The following HECW1 variants were observed in gnomAD, a reference collection of about 807,000 sequenced individuals.
HECW1 encodes E3 ubiquitin-protein ligase HECW1.
HECW1 carries 61 observed loss-of-function variants against 182.3 expected under a neutral mutation model. That is an observed-to-expected ratio of 0.33 (90% CI 0.27 to 0.41). HECW1 has a LOEUF of 0.41. Ranked by LOEUF, HECW1 falls within the 10% of genes least tolerant of loss-of-function variation. HECW1 has a pLI of 1.00. For synonymous variants in HECW1, 859 were observed against 832.6 expected (o/e 1.03, Z -0.55); for missense variants, 1,739 against 2,108.9 (o/e 0.82, Z 3.44).
rs138550885 is a variant in HECW1 at position 43,500,214 on chromosome 7, C to T, written c.3438-485C>T. 6.3e-3 allele frequency among the ~76,000 whole-genome samples: 952 copies of T among 152,126 alleles called. 7 individuals carry two copies. Among genetic ancestry groups the T allele is most frequent in the African/African-American group, 0.022 (905 of 41,506 alleles). ...CTCCCGGTTCAAGCGATTCTCCTAC[C>T]TCAGCATCCTGAATAGCTGGGATTA... is the stretch of plus-strand genomic sequence containing the variant. On this transcript the variant is annotated intron_variant, in intron 19 of 29. Transcript: ENST00000395891.
chr7:43,308,005 A>AAG (rs1807848969), intron 3 of HECW1, among the ~76,000 whole-genome samples: 1 of 114,848 alleles, frequency 8.7e-6, no homozygotes, highest in Non-Finnish European at 1.7e-5. Context: ...TATAATATAT[A>AAG]ATATACAGTA....
intron 22 of HECW1, among the ~76,000 whole-genome samples, chr7:43,507,749 C>G (rs1023680895): frequency 1.3e-5 from 2 of 152,182 alleles, no homozygotes; most frequent in Non-Finnish European, 2.9e-5. Flanking sequence ...AAGCAATATC[C>G]TATGAGTTGA....
Position 43,550,482 on chromosome 7 carries a change from C to T in HECW1, c.4286C>T (p.Thr1429Ile). 1.2e-6 allele frequency: 2 copies of T among 1,614,120 alleles called. No homozygotes were observed. The highest frequency in any genetic ancestry group is 1.7e-6 in the Non-Finnish European group (2 of 1,179,998). The change falls in exon 27 of 30, where the codon ACA becomes ATA. Residue 1429 changes from threonine (T) to isoleucine (I), a missense_variant. By Grantham distance (89) the Thr-to-Ile change is moderately conservative. This residue lies in a region of HECW1 where 420 missense variants were observed against 595.7 expected (regional missense o/e 0.71). Coordinates refer to ENST00000395891, the MANE Select transcript of HECW1 (RefSeq NM_015052.5). The stretch of plus-strand genomic sequence containing the variant: ...GAGTTGAAGTCTGGAGGAGCCAACA[C>T]ACAGGTGACGGAGAAAAACAAGAAG... ...ERELKSGGANTQVTEKNKKEY... is the reference protein window; with the variant it reads ...ERELKSGGANIQVTEKNKKEY...
chr7:43,152,885 G>T, intron 2 of HECW1, among the ~76,000 whole-genome samples: 1 of 152,118 alleles, frequency 6.6e-6, no homozygotes, highest in South Asian at 2.1e-4. Flanking sequence ...TTGGGAGCTG[G>T]AGAAGGCTTA....
rs576398672 is a variant in HECW1, at chr7:43,243,270, T to G, written c.-31-605T>G. Among the ~76,000 whole-genome samples the G allele has an allele frequency of 5.5e-4, 84 of 152,290 alleles. 1 individual carries two copies. Among genetic ancestry groups the G allele is most frequent in the African/African-American group, 2.0e-3 (82 of 41,562 alleles). ...TCTGCTCAAGTCCTGTATGCTAATTTTGGACATGGTAGCTCTAAAGTGCCA... is the reference window on the plus strand; with the variant it reads ...TCTGCTCAAGTCCTGTATGCTAATTGTGGACATGGTAGCTCTAAAGTGCCA... On this transcript the variant is annotated intron_variant, in intron 2 of 29. Transcript: ENST00000395891. This position sits in a 1 kb window ranked among gnomAD's most constrained non-coding sequence, Gnocchi z 4.0.
intron 17 of HECW1, among the ~76,000 whole-genome samples, chr7:43,484,988 T>C (rs141029010): frequency 0.015 from 2,290 of 152,328 alleles, 23 homozygotes; most frequent in Non-Finnish European, 0.021. Flanking sequence ...CAATTCCTAA[T>C]ATAAGTTGAC....
chr7:43,195,889 C>G (rs1207966539), intron 2 of HECW1, among the ~76,000 whole-genome samples: 1 of 151,976 alleles, frequency 6.6e-6, no homozygotes, highest in Non-Finnish European at 1.5e-5. Flanking sequence ...ATTTTTACAC[C>G]AAATATAGGT....
In HECW1 at chr7:43,317,673, A is replaced by G. The variant is rs554853886; in HGVS notation, c.353-2962A>G. 2.0e-5 allele frequency among the ~76,000 whole-genome samples: 3 copies of G among 152,084 alleles called. No individual in the cohort carries two copies. In the East Asian group the frequency reaches 5.8e-4, roughly 29 times the overall value. ...CCCAGGCAAGAATACTGACTACTCTATTTTTCTTGTGTGATACTTGTGATT... is the reference window on the plus strand; with the variant it reads ...CCCAGGCAAGAATACTGACTACTCTGTTTTTCTTGTGTGATACTTGTGATT... On this transcript the variant is annotated intron_variant, in intron 4 of 29. Coordinates refer to ENST00000395891, the MANE Select transcript of HECW1 (RefSeq NM_015052.5).
At chr7:43,392,788 G>A (rs894522685) in intron 6 of HECW1, among the ~76,000 whole-genome samples, 3 of 152,180 alleles carry the variant, frequency 2.0e-5, no homozygotes, top group African/African-American at 7.2e-5. Context: ...TAACATGCTG[G>A]AGACTAAAGG....
chr7:43,353,595 T>C (rs1814726130), intron 5 of HECW1, among the ~76,000 whole-genome samples: 1 of 151,318 alleles, frequency 6.6e-6, no homozygotes. Flanking sequence ...TCTGAGCAGA[T>C]GGTAAGAGAA....
At position 43,311,898 on chromosome 7, in the gene HECW1, G is replaced by A; in HGVS notation, c.163G>A (p.Gly55Ser). ...CCAGTTCCACAACATGGACCTCAGGGGCGGCCCCCACGATGGCGTCACCAT... is the reference window on the plus strand; with the variant it reads ...CCAGTTCCACAACATGGACCTCAGGAGCGGCCCCCACGATGGCGTCACCAT... ...PDQFHNMDLR[G>S]GPHDGVTIPR... is the part of the protein sequence containing the mutation. The change falls in exon 4 of 30, where the codon GGC becomes AGC. Residue 55 changes from glycine (G) to serine (S), a missense_variant. By Grantham distance (56) the Gly-to-Ser change is moderately conservative. Transcript: ENST00000395891. 1 of 1,614,202 alleles carries A rather than the reference G, an allele frequency of 6.2e-7. No homozygotes were observed. The highest frequency in any genetic ancestry group is 8.5e-7 in the Non-Finnish European group (1 of 1,180,048).
At chr7:43,559,511 C>T (rs985483460) in intron 29 of HECW1, among the ~76,000 whole-genome samples, 3 of 152,198 alleles carry the variant, frequency 2.0e-5, no homozygotes, top group African/African-American at 7.2e-5. Context: ...TATGTGTGTT[C>T]TGGCGTTGAT....
At position 43,564,894 on chromosome 7, in the gene HECW1, G is replaced by C. The variant is rs546211498; in HGVS notation, c.*2968G>C. On this transcript the variant is annotated 3_prime_UTR_variant, in exon 30 of 30. Coordinates refer to ENST00000395891, the MANE Select transcript of HECW1 (RefSeq NM_015052.5). ...GTTACCACCTGTAATTTTTTTTTAA[G>C]CATGAGTTTTCTCCATGGAGGCAAA... is the stretch of plus-strand genomic sequence containing the variant. 1 of 184,766 alleles carries C rather than the reference G, an allele frequency of 5.4e-6. No homozygotes were observed. Among genetic ancestry groups the C allele is most frequent in the African/African-American group, 2.3e-5 (1 of 42,612 alleles). 11.4% of individuals were successfully genotyped at this position (184,766 alleles called of 1,614,324 possible).
chr7:43,262,608 G>A lies in HECW1; in HGVS notation c.27+18676G>A, dbSNP rs368561030. On this transcript the variant is annotated intron_variant, in intron 3 of 29. Transcript: ENST00000395891. ...AGTTACCTCACAAAAACTAAGCTAT[G>A]AAAAGTAGTTTTCTCCTCCAAAGAG... is the stretch of plus-strand genomic sequence containing the variant. Among the ~76,000 whole-genome samples the A allele has an allele frequency of 5.9e-5, 9 of 152,280 alleles. No individual in the cohort carries two copies. The East Asian group carries it at 1.7e-3, about 29-fold the overall frequency.
intron 25 of HECW1, 36 bp downstream of exon 25, chr7:43,541,297 C>T (rs1464176614): frequency 6.6e-7 from 1 of 1,525,792 alleles, no homozygotes; most frequent in Non-Finnish European, 9.1e-7. Flanking sequence ...CAACCCAGCC[C>T]TGTCTGCAGG....
intron 2 of HECW1, among the ~76,000 whole-genome samples, chr7:43,226,332 A>G (rs1353764565): frequency 1.3e-5 from 2 of 152,044 alleles, no homozygotes; most frequent in African/African-American, 2.4e-5. Flanking sequence ...GACTTCTATT[A>G]TTGGTTGGTT....
Position 43,399,181 on chromosome 7 carries a change from A to G in HECW1, c.631+2292A>G, listed in dbSNP as rs770575614. Among the ~76,000 whole-genome samples the G allele has an allele frequency of 2.2e-4, 34 of 152,216 alleles. 1 individual carries two copies. Among genetic ancestry groups the G allele is most frequent in the Non-Finnish European group, 1.9e-4 (13 of 68,028 alleles). ...TCCAGGCAAGAAGGGGGTTTGTTTCAGGAAAGAGCTGCTGTTGTCTTTGTT... is the reference window on the plus strand; with the variant it reads ...TCCAGGCAAGAAGGGGGTTTGTTTCGGGAAAGAGCTGCTGTTGTCTTTGTT... On this transcript the variant is annotated intron_variant, in intron 7 of 29. Transcript: ENST00000395891.
chr7:43,308,292 ATATAT>A lies in HECW1; in HGVS notation c.28-3465_28-3461del, dbSNP rs1380520559. Among the ~76,000 whole-genome samples the A allele has an allele frequency of 2.9e-3, 373 of 127,244 alleles. 9 individuals are homozygous for A. Among genetic ancestry groups the A allele is most frequent in the African/African-American group, 0.01 (346 of 33,388 alleles). The allele number at this position is 127,244 out of a possible 152,430, so 83.5% of individuals were successfully genotyped here. ...TTTATATATTATATGATATATTTAT[ATATAT>A]TATATGATATATTTATATATTATAT... On this transcript the variant is annotated intron_variant, in intron 3 of 29. Transcript: ENST00000395891.
chr7:43,196,837 T>C (rs1261683017), intron 2 of HECW1, among the ~76,000 whole-genome samples: 7 of 152,250 alleles, frequency 4.6e-5, no homozygotes, highest in Non-Finnish European at 8.8e-5. Flanking sequence ...TGTAATATTT[T>C]ACATTCATGT....
Sources: gnomAD v4.1 joint callset for allele counts (sites outside exome capture counted in the v4.1 genomes callset) on GRCh38, gnomAD v4.1.1 for gene constraint, gnomAD v4.1.1 regional missense constraint, Gnocchi (gnomAD v3.1) non-coding constraint, MANE v1.5 for transcripts, NCBI Gene and HGNC (gene_info 2026-07-23, HGNC 2026-07-21) for gene names.